The following PCYOX1 variants were observed in gnomAD, a reference collection of about 807,000 sequenced individuals.
PCYOX1 encodes the protein prenylcysteine lyase.
A neutral mutation model predicts 46.4 loss-of-function variants in PCYOX1; 46 were observed. The ratio of observed to expected loss-of-function variants is 0.99; its 90% confidence interval spans 0.78 to 1.27. PCYOX1 has a LOEUF of 1.27. Ranked by LOEUF, PCYOX1 falls within the 50% of genes most tolerant of loss-of-function variation. PCYOX1 has a pLI of 0.00. For synonymous variants in PCYOX1, 220 were observed against 231.8 expected (o/e 0.95, Z 0.46); for missense variants, 658 against 628.3 (o/e 1.05, Z -0.51).
rs768843465 is a variant in PCYOX1, at chr2:70,258,195, T to C, written c.31T>C (p.Ser11Pro). MGRVVAELVS[S>P]LLGLWLLLCS... Reference sequence around the variant, plus strand: ...GCGCGTCGTCGCGGAGCTCGTCTCCTCGCTGCTGGGGTTGTGGCTGTTGCT... The same window carrying C: ...GCGCGTCGTCGCGGAGCTCGTCTCCCCGCTGCTGGGGTTGTGGCTGTTGCT... The change falls in exon 1 of 6, where the codon TCG becomes CCG. Residue 11 changes from serine (S) to proline (P), a missense_variant. Transcript: ENST00000433351. 1.9e-6 allele frequency: 3 copies of C among 1,598,646 alleles called. No homozygotes were observed. The highest frequency in any genetic ancestry group is 1.7e-6 in the Non-Finnish European group (2 of 1,176,498).
At chr2:70,267,508 C>T (rs184298097) in intron 3 of PCYOX1, among the ~76,000 whole-genome samples, 8 of 152,234 alleles carry the variant, frequency 5.3e-5, no homozygotes, top group African/African-American at 9.6e-5. Flanking sequence ...ACATTGAGCA[C>T]TGAGTGAGCG....
Position 70,277,462 on chromosome 2 carries a change from C to A in PCYOX1, c.*70C>A. The A allele has an allele frequency of 2.4e-6, 3 of 1,243,532 alleles. No homozygotes were observed. Among genetic ancestry groups the A allele is most frequent in the Non-Finnish European group, 3.4e-6 (3 of 882,848 alleles). 77.0% of individuals were successfully genotyped at this position (1,243,532 alleles called of 1,614,324 possible). A position where few individuals can be genotyped will look rare whatever the true frequency, so the allele number is the denominator to read the frequency against. ...GTGGCAAAAAAGAACAAAATCTGAG[C>A]AGAGATGATTTTGAACCAGATATTT... On this transcript the variant is annotated 3_prime_UTR_variant, in exon 6 of 6. Coordinates refer to ENST00000433351, the MANE Select transcript of PCYOX1 (RefSeq NM_016297.4).
chr2:70,266,751 A>C (rs1004880909), intron 3 of PCYOX1, among the ~76,000 whole-genome samples: 1 of 152,154 alleles, frequency 6.6e-6, no homozygotes, highest in Admixed American at 6.5e-5. Flanking sequence ...TAGTGGACAC[A>C]GCACATGTTT....
At chr2:70,274,436 T>C (rs902479318) in intron 3 of PCYOX1, among the ~76,000 whole-genome samples, 1 of 151,986 alleles carries the variant, frequency 6.6e-6, no homozygotes, top group Non-Finnish European at 1.5e-5. Context: ...GACCTAGTGA[T>C]CTGCCTGCCT....
At chr2:70,268,961 T>A (rs1344019839) in intron 3 of PCYOX1, among the ~76,000 whole-genome samples, 1 of 152,010 alleles carries the variant, frequency 6.6e-6, no homozygotes, top group Non-Finnish European at 1.5e-5. Flanking sequence ...AATAAAACTT[T>A]TTTTGTTTAA....
intron 5 of PCYOX1, among the ~76,000 whole-genome samples, chr2:70,275,952 T>C (rs1213525813): frequency 6.6e-6 from 1 of 151,416 alleles, no homozygotes; most frequent in African/African-American, 2.4e-5. Flanking sequence ...TACAAAAAAT[T>C]AGCCGGGCGT....
chr2:70,259,125 G>GA (rs1041028933), intron 1 of PCYOX1, among the ~76,000 whole-genome samples: 7 of 151,870 alleles, frequency 4.6e-5, no homozygotes, highest in African/African-American at 1.2e-4. Context: ...TGGGCATCTG[G>GA]AAAAAAAATC....
chr2:70,276,548 T>C (rs1321679911), intron 5 of PCYOX1, among the ~76,000 whole-genome samples, 186 bp from the exon 6 acceptor site: 1 of 152,206 alleles, frequency 6.6e-6, no homozygotes, highest in Non-Finnish European at 1.5e-5. Context: ...CTGTATTTTG[T>C]ACTTACTGAC....
rs1696737696 is a variant in PCYOX1, at chr2:70,279,626, T to C, written c.*2234T>C. ...CTCTACTGAATACACAAAAATTGGC[T>C]GGACATGGTGGCGCATGTCTGTAAT... On this transcript the variant is annotated 3_prime_UTR_variant, in exon 6 of 6. Coordinates refer to ENST00000433351, the MANE Select transcript of PCYOX1 (RefSeq NM_016297.4). 1.3e-5 allele frequency: 2 copies of C among 151,930 alleles called. No individual in the cohort carries two copies. The allele number at this position is 151,930 out of a possible 1,614,324, so 9.4% of individuals were successfully genotyped here.
At chr2:70,260,150 A>C (rs1377971090) in intron 2 of PCYOX1, among the ~76,000 whole-genome samples, 1 of 152,112 alleles carries the variant, frequency 6.6e-6, no homozygotes, top group Non-Finnish European at 1.5e-5. Flanking sequence ...GGTTTGTGTT[A>C]AAGAATCAGA....
At chr2:70,260,270 G>A (rs1696417553) in intron 2 of PCYOX1, among the ~76,000 whole-genome samples, 2 of 152,148 alleles carry the variant, frequency 1.3e-5, no homozygotes, top group South Asian at 4.1e-4. Flanking sequence ...CATGGCCAGG[G>A]TCAGTGGCTC....
chr2:70,265,949 A>G (rs1199998717), intron 3 of PCYOX1, among the ~76,000 whole-genome samples: 1 of 152,138 alleles, frequency 6.6e-6, no homozygotes, highest in Non-Finnish European at 1.5e-5. Flanking sequence ...AGCCTTTAAA[A>G]TACATCCAGT....
At position 70,276,972 on chromosome 2, in the gene PCYOX1, C is replaced by T. The variant is rs148301071; in HGVS notation, c.1098C>T (p.Gly366=). The change falls in exon 6 of 6, where the codon GGC becomes GGT. Residue 366 remains glycine (G), a synonymous_variant. Transcript: ENST00000433351. ...IFSSRPIDKF[G]LNTVLTTDNS... ...GCTCTAGACCCATAGATAAATTTGG[C>T]CTTAATACAGTTTTAACCACTGATA... 7.4e-5 allele frequency: 119 copies of T among 1,613,564 alleles called. No individual in the cohort carries two copies. In the African/African-American group the frequency reaches 1.4e-3, roughly 19 times the overall value.
At position 70,275,666 on chromosome 2, in the gene PCYOX1, G is replaced by T. The variant is rs1696660403; in HGVS notation, c.859G>T (p.Gly287Ter). 1 of 1,612,730 alleles carries T rather than the reference G, an allele frequency of 6.2e-7. No individual in the cohort carries two copies. Among genetic ancestry groups the T allele is most frequent in the East Asian group, 2.2e-5 (1 of 44,690 alleles). ...IEEKTKTKYT[G>*]NPTKMYEVVY... ...GGAGAAAACAAAGACCAAGTACACA[G>T]GTAAGCTTGAATTTCTTATTGTTCC... Residue 287 changes from glycine (G) to a stop codon, truncating the protein, a stop_gained and splice_region_variant, in exon 5 of 6, where the codon GGA (glycine) becomes TGA (stop). Transcript: ENST00000433351. LOFTEE classifies it high-confidence loss of function.
intron 3 of PCYOX1, among the ~76,000 whole-genome samples, chr2:70,266,464 T>C (rs1025759586): frequency 1.3e-5 from 2 of 151,974 alleles, no homozygotes; most frequent in Non-Finnish European, 2.9e-5. Flanking sequence ...ATTATAACTT[T>C]TTTTTTTTTT....
At chr2:70,262,516 G>A (rs1295129903) in intron 3 of PCYOX1, among the ~76,000 whole-genome samples, 5 of 131,534 alleles carry the variant, frequency 3.8e-5, no homozygotes, top group Non-Finnish European at 6.3e-5. Flanking sequence ...GTTTTGCTCT[G>A]TCGCCCGGGC....
At position 70,280,081 on chromosome 2, in the gene PCYOX1, A is replaced by AG. The variant is rs1198659572; in HGVS notation, c.*2691dup. 6.6e-6 allele frequency: 1 copy of AG among 152,210 alleles called. No individual in the cohort carries two copies. Among genetic ancestry groups the AG allele is most frequent in the Non-Finnish European group, 1.5e-5 (1 of 68,038 alleles). The allele number at this position is 152,210 out of a possible 1,614,324, so 9.4% of individuals were successfully genotyped here. ...GGCAAGAGTGAGACTGTGTCTCAAA[A>AG]GGAAAAAAAAAAAATTAAAAATGTT... On this transcript the variant is annotated 3_prime_UTR_variant, in exon 6 of 6. Transcript: ENST00000433351.
At chr2:70,273,354 C>T (rs1422590887) in intron 3 of PCYOX1, among the ~76,000 whole-genome samples, 1 of 152,138 alleles carries the variant, frequency 6.6e-6, no homozygotes, top group Non-Finnish European at 1.5e-5. Flanking sequence ...TATTTAGTTT[C>T]TCAGTTTTGG....
chr2:70,270,239 G>A (rs573609940), intron 3 of PCYOX1, among the ~76,000 whole-genome samples: 19 of 152,158 alleles, frequency 1.2e-4, no homozygotes, highest in African/African-American at 4.1e-4. Context: ...CAAGTGATCC[G>A]CCTGGCTCAG....
Sources: allele counts gnomAD v4.1 joint callset (sites outside exome capture counted in the v4.1 genomes callset), GRCh38; gene constraint gnomAD v4.1.1; transcripts MANE v1.5; gene names NCBI Gene and HGNC (gene_info 2026-07-23, HGNC 2026-07-21).